The following ATOSA variants were observed in gnomAD, a reference collection of about 807,000 sequenced individuals.
ATOSA encodes atos homolog protein A.
At chr15:52,659,338 A>G in the ATOSA span, among the ~76,000 whole-genome samples, 6 of 152,198 alleles carry the variant, frequency 3.9e-5, no homozygotes, top group African/African-American at 1.4e-4. Context: ...AGGTTTTACT[A>G]TTTCTAACAG....
the ATOSA span, among the ~76,000 whole-genome samples, chr15:52,597,165 G>GTTCTATTCTATTCTA: frequency 1.3e-3 from 31 of 24,720 alleles, no homozygotes; most frequent in African/African-American, 3.6e-3. Flanking sequence ...GTTCTGTTCT[G>GTTCTATTCTATTCTA]TTCTATTCTA....
the ATOSA span, among the ~76,000 whole-genome samples, chr15:52,694,157 G>T: frequency 0.012 from 1,400 of 115,436 alleles, 10 homozygotes; most frequent in Admixed American, 0.02. Context: ...TGTATATATA[G>T]ATATATATAT....
the ATOSA span, among the ~76,000 whole-genome samples, chr15:52,596,780 T>C: frequency 3.9e-5 from 6 of 152,324 alleles, no homozygotes; most frequent in African/African-American, 1.2e-4. Flanking sequence ...CTAGGCAATG[T>C]TTTTTTAGAT....
At chr15:52,672,761 T>C in the ATOSA span, among the ~76,000 whole-genome samples, 1 of 152,238 alleles carries the variant, frequency 6.6e-6, no homozygotes, top group Non-Finnish European at 1.5e-5. Flanking sequence ...TGCCTTTCAG[T>C]TCTGCCTTCC....
At chr15:52,678,370 T>A in the ATOSA span, 1 of 422,284 alleles carries the variant, frequency 2.4e-6, no homozygotes. Context: ...AAACAGGATC[T>A]ATTTATAACC....
the ATOSA span, chr15:52,608,806 G>A: frequency 1.2e-6 from 2 of 1,603,070 alleles, no homozygotes; most frequent in Non-Finnish European, 1.7e-6. Flanking sequence ...TTTATTTGAG[G>A]ACATGCTTTC....
chr15:52,583,247 C>T, the ATOSA span, among the ~76,000 whole-genome samples: 1 of 152,198 alleles, frequency 6.6e-6, no homozygotes, highest in Non-Finnish European at 1.5e-5. Flanking sequence ...CTGATTTTTA[C>T]TCTGGCCAGT....
the ATOSA span, among the ~76,000 whole-genome samples, chr15:52,606,782 A>G: frequency 6.6e-6 from 1 of 152,192 alleles, no homozygotes; most frequent in Admixed American, 6.5e-5. Context: ...CTTCTGAAGA[A>G]AAATATAAAC....
the ATOSA span, among the ~76,000 whole-genome samples, chr15:52,612,222 T>A: frequency 5.3e-5 from 8 of 152,136 alleles, no homozygotes; most frequent in African/African-American, 1.7e-4. Context: ...TAACCTCAGG[T>A]GATCTGCCCA....
At chr15:52,677,972 G>C in the ATOSA span, 3 of 1,613,638 alleles carry the variant, frequency 1.9e-6, no homozygotes, top group African/African-American at 1.3e-5. Flanking sequence ...AGAAGGGGGT[G>C]GGGGAACAAG....
At chr15:52,682,209 G>A in the ATOSA span, among the ~76,000 whole-genome samples, 2 of 151,984 alleles carry the variant, frequency 1.3e-5, no homozygotes, top group African/African-American at 4.8e-5. Context: ...TATACTTTTG[G>A]GGCAATGTAT....
chr15:52,582,150 C>T, the ATOSA span: 1 of 1,565,786 alleles, frequency 6.4e-7, no homozygotes, highest in Admixed American at 2.2e-5. Flanking sequence ...ATCATCACTC[C>T]TTATCAACAT....
chr15:52,608,542 C>T, the ATOSA span: 2 of 1,524,864 alleles, frequency 1.3e-6, no homozygotes, highest in Admixed American at 2.4e-5. Context: ...TTGAGACTTA[C>T]ATTTGACATA....
At chr15:52,585,991 A>G in the ATOSA span, 2 of 152,236 alleles carry the variant, frequency 1.3e-5, no homozygotes, top group Non-Finnish European at 2.9e-5. Context: ...ACACAGTTAA[A>G]CTGTATACAG....
chr15:52,677,084 T>C, the ATOSA span, among the ~76,000 whole-genome samples: 18 of 152,308 alleles, frequency 1.2e-4, no homozygotes, highest in African/African-American at 3.8e-4. Flanking sequence ...CCCAGAAAAT[T>C]TGTCTAATCA....
the ATOSA span, among the ~76,000 whole-genome samples, chr15:52,601,553 G>T: frequency 6.8e-6 from 1 of 147,120 alleles, no homozygotes; most frequent in Non-Finnish European, 1.5e-5. Context: ...AAAGAAAACC[G>T]AATAGAGATA....
At chr15:52,640,771 AT>A in the ATOSA span, among the ~76,000 whole-genome samples, 5 of 151,774 alleles carry the variant, frequency 3.3e-5, no homozygotes, top group Non-Finnish European at 7.4e-5. Flanking sequence ...CTTCTTTTAA[AT>A]TTTTATTTAT....
the ATOSA span, among the ~76,000 whole-genome samples, chr15:52,709,273 T>C: frequency 1.3e-5 from 2 of 152,192 alleles, no homozygotes; most frequent in African/African-American, 4.8e-5. Context: ...TTTCCTAATG[T>C]TTATTAACCT....
chr15:52,663,595 C>T, the ATOSA span, among the ~76,000 whole-genome samples: 1 of 95,626 alleles, frequency 1.0e-5, no homozygotes, highest in African/African-American at 2.7e-5. Flanking sequence ...GTTAAGATGA[C>T]ACATATTACA....
Sources: gnomAD v4.1 joint callset for allele counts (sites outside exome capture counted in the v4.1 genomes callset) on GRCh38, gnomAD v4.1.1 for gene constraint, MANE v1.5 for transcripts, NCBI Gene and HGNC (gene_info 2026-07-23, HGNC 2026-07-21) for gene names.